TAF2: variants seen among roughly 807,000 people sequenced by gnomAD.
The protein encoded by TAF2 is transcription initiation factor TFIID subunit 2.
A neutral mutation model predicts 138.5 loss-of-function variants in TAF2; 61 were observed. The observed-to-expected ratio is 0.44, with a 90% CI of 0.36 to 0.54. The LOEUF (loss-of-function observed/expected upper bound fraction) is 0.54. TAF2 is among the 20% of genes least tolerant of loss of function. The pLI is 0.00. For synonymous variants in TAF2, 475 were observed against 469.9 expected, an observed-to-expected ratio of 1.01 and a Z score of -0.14; for missense variants, 1,090 against 1,427.9, an observed-to-expected ratio of 0.76 and a Z score of 3.81.
chr8:119,795,483 A>G (rs2131184480), intron 9 of TAF2, 49 bp downstream of exon 9: 1 of 1,465,258 alleles, frequency 6.8e-7, no homozygotes. Flanking sequence ...GTCATTAAAA[A>G]TGGAGGACAT....
Position 119,777,989 on chromosome 8 carries a change from G to T in TAF2, c.2364+30C>A, listed in dbSNP as rs748956193. 20 of 1,176,026 alleles carry T rather than the reference G, an allele frequency of 1.7e-5. No homozygotes were observed. In the South Asian group the frequency reaches 2.6e-4, roughly 15 times the overall value. The allele number at this position is 1,176,026 out of a possible 1,614,324, so 72.8% of individuals were successfully genotyped here. On this transcript the variant is annotated intron_variant, in intron 18 of 25. Coordinates refer to ENST00000378164, the MANE Select transcript of TAF2 (RefSeq NM_003184.4). ...AAGAAAATTATCTAAGACAACTGTT[G>T]TAGAAGATTTAAAAATAAAAGTACC...
At chr8:119,815,741 C>A (rs750428389) in intron 3 of TAF2, among the ~76,000 whole-genome samples, 24 of 152,100 alleles carry the variant, frequency 1.6e-4, no homozygotes, top group Non-Finnish European at 3.2e-4. Context: ...AACAAAAACA[C>A]CAAAGTGTAG....
intron 2 of TAF2, among the ~76,000 whole-genome samples, chr8:119,826,112 G>A (rs912688882): frequency 1.5e-4 from 23 of 152,096 alleles, no homozygotes; most frequent in African/African-American, 3.9e-4. Context: ...GGCCCGTTGC[G>A]GGGTGGGGGA....
At chr8:119,827,159 A>G (rs1586556062) in intron 2 of TAF2, among the ~76,000 whole-genome samples, 1 of 150,810 alleles carries the variant, frequency 6.6e-6, no homozygotes, top group African/African-American at 2.4e-5. Context: ...GCGCCACTGC[A>G]CTCCAGCCTA....
At chr8:119,805,851 A>C (rs1006386223) in intron 4 of TAF2, among the ~76,000 whole-genome samples, 2 of 152,044 alleles carry the variant, frequency 1.3e-5, no homozygotes, top group African/African-American at 4.8e-5. Context: ...TATATATTTC[A>C]ACTGGTTAAT....
chr8:119,810,748 T>C (rs1236866320), intron 3 of TAF2, among the ~76,000 whole-genome samples: 1 of 152,202 alleles, frequency 6.6e-6, no homozygotes, highest in Non-Finnish European at 1.5e-5. Flanking sequence ...ATTGCAAAAC[T>C]TGTATTCCAC....
At chr8:119,763,438 T>C (rs1192388806) in intron 18 of TAF2, among the ~76,000 whole-genome samples, 1 of 152,172 alleles carries the variant, frequency 6.6e-6, no homozygotes, top group East Asian at 1.9e-4. Context: ...GGGACAATAA[T>C]AGTATTTAAG....
chr8:119,805,661 C>A (rs149163456), intron 4 of TAF2, among the ~76,000 whole-genome samples: 3 of 151,610 alleles, frequency 2.0e-5, no homozygotes, highest in Non-Finnish European at 4.4e-5. Flanking sequence ...GCCAAGATTG[C>A]GCCATTGCAC....
chr8:119,765,429 A>G (rs1217619466), intron 18 of TAF2, among the ~76,000 whole-genome samples: 2 of 152,186 alleles, frequency 1.3e-5, no homozygotes, highest in African/African-American at 4.8e-5. Flanking sequence ...TTCAATAGGT[A>G]GAGGAAGGAG....
chr8:119,762,378 A>T, intron 19 of TAF2, 37 bp downstream of exon 19: 1 of 1,575,274 alleles, frequency 6.3e-7, no homozygotes, highest in African/African-American at 1.3e-5. Flanking sequence ...TACAGTTATA[A>T]GAACATATAA....
intron 23 of TAF2, 115 bp from the exon 24 acceptor site, chr8:119,744,508 C>T (rs1819820403): frequency 1.1e-5 from 9 of 837,300 alleles, no homozygotes; most frequent in Admixed American, 3.9e-5. Context: ...CCCATATAAT[C>T]TTAAAATAAA....
At chr8:119,785,416 A>C in intron 14 of TAF2, 150 bp from the exon 15 acceptor site, 1 of 620,982 alleles carries the variant, frequency 1.6e-6, no homozygotes, top group East Asian at 2.8e-5. Context: ...AAATTTAAAT[A>C]GAACAAAGTC....
intron 21 of TAF2, 35 bp from the exon 22 acceptor site, chr8:119,756,150 C>T (rs749184946): frequency 2.0e-6 from 3 of 1,475,670 alleles, no homozygotes; most frequent in Non-Finnish European, 1.9e-6. Flanking sequence ...TTTTGCTGAC[C>T]TTTTACTGAC....
chr8:119,794,258 G>A (rs762521181), intron 9 of TAF2, among the ~76,000 whole-genome samples: 4 of 151,988 alleles, frequency 2.6e-5, no homozygotes, highest in Non-Finnish European at 4.4e-5. Flanking sequence ...TTAGCCGGGC[G>A]TGATGGCGGG....
intron 2 of TAF2, among the ~76,000 whole-genome samples, chr8:119,825,134 C>A (rs1459414923): frequency 6.6e-6 from 1 of 152,258 alleles, no homozygotes; most frequent in Non-Finnish European, 1.5e-5. Flanking sequence ...GTCTCAGAGG[C>A]AGAGCTGCCC....
intron 25 of TAF2, among the ~76,000 whole-genome samples, chr8:119,732,970 C>G (rs1022369196): frequency 6.7e-6 from 1 of 149,234 alleles, no homozygotes; most frequent in Non-Finnish European, 1.5e-5. Context: ...TATATGTGAA[C>G]TTTTTTTTTT....
At chr8:119,806,457 TTTTC>T (rs1436682491) in intron 3 of TAF2, 56 bp from the exon 4 acceptor site, 50 of 1,274,964 alleles carry the variant, frequency 3.9e-5, no homozygotes, top group East Asian at 2.8e-4. Flanking sequence ...TACCAAGCAT[TTTTC>T]TTTCTTTCTT....
In TAF2 at chr8:119,823,479, GCT is replaced by G. The variant is rs566573489; in HGVS notation, c.139-3975_139-3974del. Among the ~76,000 whole-genome samples, 111 of 141,960 alleles carry G rather than the reference GCT, an allele frequency of 7.8e-4. No individual in the cohort carries two copies. The East Asian group carries it at 0.011, about 14-fold the overall frequency. 93.1% of individuals were successfully genotyped at this position (141,960 alleles called of 152,430 possible). ...GAAAAACGGGAATTTTTCTGCACAA[GCT>G]CTTTTTGCCTGCCACCATCCACGTA... On this transcript the variant is annotated intron_variant, in intron 2 of 25. Coordinates refer to ENST00000378164, the MANE Select transcript of TAF2 (RefSeq NM_003184.4).
intron 3 of TAF2, 61 bp downstream of exon 3, chr8:119,819,285 A>G: frequency 6.4e-7 from 1 of 1,556,074 alleles, no homozygotes; most frequent in Non-Finnish European, 8.8e-7. Flanking sequence ...AACTAATCCA[A>G]TCATTAAAAA....
Sources: gnomAD v4.1 joint callset for allele counts (sites outside exome capture counted in the v4.1 genomes callset) on GRCh38, gnomAD v4.1.1 for gene constraint, MANE v1.5 for transcripts, NCBI Gene and HGNC (gene_info 2026-07-23, HGNC 2026-07-21) for gene names.